Variants in VMP1 observed in about 807,000 individuals in gnomAD.
VMP1 encodes ectopic P-granules autophagy protein 3 homolog.
A neutral mutation model predicts 56.0 loss-of-function variants in VMP1; 11 were observed. That is an observed-to-expected ratio of 0.20 (90% confidence interval 0.12 to 0.32). VMP1 has a LOEUF of 0.32. Ranked by LOEUF, VMP1 falls within the 10% of genes least tolerant of loss-of-function variation. The probability of loss-of-function intolerance (pLI) is 1.00; values close to 1 mark genes in which losing one functional copy is unlikely to be tolerated. For synonymous variants in VMP1, 149 were observed against 165.0 expected, an observed-to-expected ratio of 0.90 and a Z score of 0.74; for missense variants, 296 against 490.3, an observed-to-expected ratio of 0.60 and a Z score of 3.74.
intron 2 of VMP1, among the ~76,000 whole-genome samples, chr17:59,733,472 T>TG (rs147708192): frequency 0.017 from 2,524 of 151,818 alleles, 61 homozygotes; most frequent in African/African-American, 0.057. Flanking sequence ...CGGAGGTGCG[T>TG]GGATCACTTG....
intron 8 of VMP1, 125 bp from the exon 9 acceptor site, chr17:59,811,545 C>A: frequency 1.4e-6 from 1 of 725,006 alleles, no homozygotes; most frequent in East Asian, 2.5e-5. Context: ...CAGTAGTGAT[C>A]AAGGAACCCA....
chr17:59,782,383 T>C (rs2036855517), intron 7 of VMP1, among the ~76,000 whole-genome samples: 1 of 152,228 alleles, frequency 6.6e-6, no homozygotes, highest in African/African-American at 2.4e-5. Flanking sequence ...AGTTTTGTCT[T>C]ATATTTTGTT....
chr17:59,805,313 T>C (rs7216675), intron 7 of VMP1, among the ~76,000 whole-genome samples: 21,842 of 152,162 alleles, frequency 0.14, 2,001 homozygotes, highest in African/African-American at 0.26. Flanking sequence ...AAGGGAAAAA[T>C]GGCTCCTTAC....
intron 3 of VMP1, 73 bp downstream of exon 3, chr17:59,735,546 A>T: frequency 6.5e-7 from 1 of 1,529,534 alleles, no homozygotes; most frequent in Non-Finnish European, 9.0e-7. Flanking sequence ...GTAATCTCTT[A>T]CTTTCTGCCC....
At chr17:59,808,680 A>T (rs2037932807) in intron 7 of VMP1, 116 bp from the exon 8 acceptor site, 3 of 756,868 alleles carry the variant, frequency 4.0e-6, no homozygotes, top group Middle Eastern at 3.6e-4. Flanking sequence ...TTTTTTCATC[A>T]TTCATCTTAT....
chr17:59,817,936 A>G (rs1344777320), intron 10 of VMP1, among the ~76,000 whole-genome samples, 163 bp downstream of exon 10: 1 of 152,268 alleles, frequency 6.6e-6, no homozygotes, highest in African/African-American at 2.4e-5. Flanking sequence ...TTCTTGTTCT[A>G]TAGTAGGGAA....
intron 9 of VMP1, among the ~76,000 whole-genome samples, chr17:59,817,282 CAAAAAAAA>C (rs1209080230): frequency 1.7e-4 from 10 of 60,350 alleles, no homozygotes; most frequent in Non-Finnish European, 2.2e-4. Flanking sequence ...AACTCTGTCT[CAAAAAAAA>C]AAAAAAAAAA....
Position 59,839,946 on chromosome 17 carries a change from G to C in VMP1, c.*35G>C. 6.2e-7 allele frequency: 1 copy of C among 1,605,242 alleles called. No homozygotes were observed. Among genetic ancestry groups the C allele is most frequent in the Non-Finnish European group, 8.5e-7 (1 of 1,178,162 alleles). Reference sequence around the variant, plus strand: ...GTTTTAAACTGCAGAAATTGGAGTGGATGGGTTCTGCCTTAAATTGGGAGG... The same window carrying C: ...GTTTTAAACTGCAGAAATTGGAGTGCATGGGTTCTGCCTTAAATTGGGAGG... On this transcript the variant is annotated 3_prime_UTR_variant, in exon 12 of 12. Transcript: ENST00000262291.
chr17:59,755,148 C>G (rs1193367969), intron 5 of VMP1, among the ~76,000 whole-genome samples: 1 of 151,596 alleles, frequency 6.6e-6, no homozygotes, highest in Non-Finnish European at 1.5e-5. Context: ...CACTCTGTCT[C>G]CCAGGCTGGA....
At chr17:59,737,576 G>A in intron 4 of VMP1, 33 bp downstream of exon 4, 1 of 1,555,128 alleles carries the variant, frequency 6.4e-7, no homozygotes, top group Non-Finnish European at 8.7e-7. Context: ...TTCTAGTCTT[G>A]CACATTCTCT....
At chr17:59,797,163 C>G (rs559090768) in intron 7 of VMP1, among the ~76,000 whole-genome samples, 10 of 151,288 alleles carry the variant, frequency 6.6e-5, no homozygotes, top group East Asian at 3.9e-4. Flanking sequence ...GAAACCCCCC[C>G]CCCGTCTCTA....
At position 59,790,083 on chromosome 17, in the gene VMP1, C is replaced by T. The variant is rs186787299; in HGVS notation, c.714+16198C>T. On this transcript the variant is annotated intron_variant, in intron 7 of 11. Coordinates refer to ENST00000262291, the MANE Select transcript of VMP1 (RefSeq NM_030938.5). ...CCGGAACACTTGACCTCAGGTGATC[C>T]GCCCACCTCAGCCTCCCAAAGTGCA... 2.2e-3 allele frequency among the ~76,000 whole-genome samples: 327 copies of T among 152,014 alleles called. 1 individual carries two copies. The highest frequency in any genetic ancestry group is 7.1e-3 in the African/African-American group (293 of 41,464).
At chr17:59,774,490 A>T (rs2036548498) in intron 7 of VMP1, among the ~76,000 whole-genome samples, 2 of 152,202 alleles carry the variant, frequency 1.3e-5, no homozygotes, top group Non-Finnish European at 2.9e-5. Context: ...CTCCCTTGAA[A>T]GCAGCTTCAT....
intron 9 of VMP1, among the ~76,000 whole-genome samples, chr17:59,817,403 GTGCAGTGGTGCAATCTTGGCTCAC>G (rs2038282010): frequency 6.7e-6 from 1 of 149,566 alleles, no homozygotes; most frequent in African/African-American, 2.5e-5. Context: ...TCAGGCTGGA[GTGCAGTGGTGCAATCTTGGCTCAC>G]TGCCACCTCC....
intron 11 of VMP1, 79 bp from the exon 12 acceptor site, chr17:59,839,689 A>G (rs2039097338): frequency 6.7e-7 from 1 of 1,502,092 alleles, no homozygotes; most frequent in South Asian, 1.3e-5. Context: ...ACACACTTCA[A>G]GCATTATAGA....
At chr17:59,804,798 A>G (rs1319398075) in intron 7 of VMP1, among the ~76,000 whole-genome samples, 1 of 152,114 alleles carries the variant, frequency 6.6e-6, no homozygotes. Flanking sequence ...AATACTGTCC[A>G]TCAAACTGCA....
chr17:59,774,460 A>C (rs1291477464), intron 7 of VMP1, among the ~76,000 whole-genome samples: 1 of 152,148 alleles, frequency 6.6e-6, no homozygotes, highest in Non-Finnish European at 1.5e-5. Context: ...TTTTATGGCT[A>C]TATCTATAGT....
At chr17:59,743,951 G>A (rs2035322345) in intron 5 of VMP1, among the ~76,000 whole-genome samples, 1 of 151,976 alleles carries the variant, frequency 6.6e-6, no homozygotes, top group African/African-American at 2.4e-5. Flanking sequence ...GTCATGAAGG[G>A]GCCATCCTGC....
At chr17:59,812,802 A>G (rs2038096124) in intron 9 of VMP1, among the ~76,000 whole-genome samples, 1 of 152,128 alleles carries the variant, frequency 6.6e-6, no homozygotes, top group South Asian at 2.1e-4. Flanking sequence ...GTGGTGGCGC[A>G]CGCTTGTAAT....
Sources: gnomAD v4.1 joint callset for allele counts (sites outside exome capture counted in the v4.1 genomes callset) on GRCh38, gnomAD v4.1.1 for gene constraint, MANE v1.5 for transcripts, NCBI Gene and HGNC (gene_info 2026-07-23, HGNC 2026-07-21) for gene names.